ACOT7: variants seen among roughly 807,000 people sequenced by gnomAD.
ACOT7 encodes the protein cytosolic acyl coenzyme A thioester hydrolase.
ACOT7 carries 12 observed loss-of-function variants against 40.2 expected under a neutral mutation model. That is an observed-to-expected ratio of 0.30 (90% CI 0.19 to 0.48). The LOEUF is 0.48. Among genes scored for constraint, ACOT7 ranks in the 20% least tolerant of loss-of-function variants. The probability of loss-of-function intolerance (pLI) is 0.99; values close to 1 mark genes in which losing one functional copy is unlikely to be tolerated. For missense variants in ACOT7, 395 were observed against 530.8 expected (o/e 0.74, Z 2.51); for synonymous variants, 228 against 219.5 (o/e 1.04, Z -0.34).
chr1:6,339,228 G>A (rs55959027), intron 3 of ACOT7, among the ~76,000 whole-genome samples: 17,083 of 152,282 alleles, frequency 0.11, 1,287 homozygotes, highest in Middle Eastern at 0.17. Flanking sequence ...AACTGAACTC[G>A]TTTCCTAACC....
At position 6,275,461 on chromosome 1, in the gene ACOT7, G is replaced by C. The variant is rs889772797; in HGVS notation, c.1014+5641C>G. ...AGATGGCCACAGCTAGGCCAGGCGC[G>C]GTAGCTCACGCCTGTAATCCTAGCA... On this transcript the variant is annotated intron_variant, in intron 8 of 8. Coordinates refer to ENST00000361521, the MANE Select transcript of ACOT7 (RefSeq NM_007274.4). This position sits in a 1 kb window ranked among gnomAD's most constrained non-coding sequence, Gnocchi z 5.6. Among the ~76,000 whole-genome samples the C allele has an allele frequency of 6.6e-6, 1 of 152,168 alleles. No individual in the cohort carries two copies. The highest frequency in any genetic ancestry group is 6.5e-5 in the Admixed American group (1 of 15,276).
rs182584558 is a variant in ACOT7 at position 6,264,554 on chromosome 1, G to A, written c.*43C>T. 61 of 1,578,060 alleles carry A rather than the reference G, an allele frequency of 3.9e-5. 1 individual carries two copies. The African/African-American group carries it at 5.0e-4, about 13-fold the overall frequency. On this transcript the variant is annotated 3_prime_UTR_variant, in exon 9 of 9. Transcript: ENST00000361521. ...TTCTAAGTGACTGGACACTGGGCCCGTTGCCATGGCTACTCGAGGCACCAG... is the reference window on the plus strand; with the variant it reads ...TTCTAAGTGACTGGACACTGGGCCCATTGCCATGGCTACTCGAGGCACCAG...
At chr1:6,292,437 C>G (rs1208592021) in intron 7 of ACOT7, among the ~76,000 whole-genome samples, 1 of 152,246 alleles carries the variant, frequency 6.6e-6, no homozygotes, top group Non-Finnish European at 1.5e-5. Flanking sequence ...TAAGTCCCCC[C>G]GTTAGCCTTG....
intron 2 of ACOT7, among the ~76,000 whole-genome samples, chr1:6,342,393 G>T (rs1368018541): frequency 6.6e-6 from 1 of 152,154 alleles, no homozygotes; most frequent in East Asian, 1.9e-4. Context: ...TCAGACGGTG[G>T]CTGTGTCTGA....
intron 2 of ACOT7, 147 bp from the exon 3 acceptor site, chr1:6,339,736 G>C: frequency 3.5e-6 from 3 of 858,092 alleles, no homozygotes; most frequent in South Asian, 4.0e-5. Flanking sequence ...TATTGGCACC[G>C]CGGTTTTTTT....
At chr1:6,349,725 G>C (rs368642662) in intron 2 of ACOT7, 24 bp downstream of exon 2, 3 of 1,603,646 alleles carry the variant, frequency 1.9e-6, no homozygotes, top group South Asian at 2.2e-5. Context: ...CCAGGGCCCA[G>C]AGGTATGGGG....
chr1:6,313,271 T>C (rs1476569520), intron 6 of ACOT7, among the ~76,000 whole-genome samples: 2 of 152,160 alleles, frequency 1.3e-5, no homozygotes, highest in Non-Finnish European at 2.9e-5. Flanking sequence ...AGATCAAGGA[T>C]AGGCCAAGGG....
intron 5 of ACOT7, among the ~76,000 whole-genome samples, chr1:6,321,392 C>G (rs953902207): frequency 6.6e-6 from 1 of 152,204 alleles, no homozygotes; most frequent in Non-Finnish European, 1.5e-5. Context: ...TTCCAAGTGT[C>G]ACGCTCAAGC....
chr1:6,303,639 GC>G (rs1257716439), intron 6 of ACOT7, among the ~76,000 whole-genome samples: 1 of 152,126 alleles, frequency 6.6e-6, no homozygotes, highest in Non-Finnish European at 1.5e-5. Context: ...GAGCGTGGGC[GC>G]CGGCCTCCTA....
rs948140559 is a variant in ACOT7, at chr1:6,306,657, G to A, written c.713-11677C>T. On this transcript the variant is annotated intron_variant, in intron 6 of 8. Coordinates refer to ENST00000361521, the MANE Select transcript of ACOT7 (RefSeq NM_007274.4). The surrounding 1 kb of genome is among the most constrained non-coding windows in gnomAD (Gnocchi z 4.3). Reference sequence around the variant, plus strand: ...CACTCAGCTTCACGAGGAAGAAAGCGGCGTCCCAAAGCATTTGTTTGTTCA... The same window carrying A: ...CACTCAGCTTCACGAGGAAGAAAGCAGCGTCCCAAAGCATTTGTTTGTTCA... The A allele has an allele frequency of 6.1e-6, 6 of 985,192 alleles. No homozygotes were observed. Among genetic ancestry groups the A allele is most frequent in the Admixed American group, 6.2e-5 (1 of 16,248 alleles). 61.0% of individuals were successfully genotyped at this position (985,192 alleles called of 1,614,324 possible).
At chr1:6,300,333 G>A (rs1009473486) in intron 6 of ACOT7, among the ~76,000 whole-genome samples, 90 of 152,282 alleles carry the variant, frequency 5.9e-4, no homozygotes, top group African/African-American at 1.9e-3. Context: ...GGCATTGCCG[G>A]GGAAGCTGGT....
At chr1:6,310,980 C>T (rs1640314966) in intron 6 of ACOT7, among the ~76,000 whole-genome samples, 1 of 152,144 alleles carries the variant, frequency 6.6e-6, no homozygotes, top group South Asian at 2.1e-4. Flanking sequence ...TCAAGTTATC[C>T]ACCTGCCTTG....
chr1:6,319,539 T>C (rs776571569), intron 5 of ACOT7, among the ~76,000 whole-genome samples: 3 of 152,224 alleles, frequency 2.0e-5, no homozygotes, highest in Admixed American at 6.5e-5. Flanking sequence ...GTTTTCTCTG[T>C]CTGACAAAAG....
chr1:6,313,008 C>T (rs757803435), intron 6 of ACOT7, among the ~76,000 whole-genome samples: 2 of 152,152 alleles, frequency 1.3e-5, no homozygotes, highest in African/African-American at 2.4e-5. Context: ...GCCTCAGCAT[C>T]GCAAGGAGCA....
chr1:6,390,186 C>T (rs1333632646), intron 1 of ACOT7, among the ~76,000 whole-genome samples: 1 of 152,236 alleles, frequency 6.6e-6, no homozygotes, highest in African/African-American at 2.4e-5. Context: ...GGCAGTCACG[C>T]TCTGCACCTG....
rs185940457 is a variant in ACOT7, at chr1:6,281,084, C to G, written c.1014+18G>C. ...TGCCTGGCAGGGAGGGGCCGCCGTT[C>G]CAAGGATGCGCACTCACCACCAGCT... On this transcript the variant is annotated intron_variant, in intron 8 of 8. Transcript: ENST00000361521. The G allele has an allele frequency of 1.9e-4, 303 of 1,611,048 alleles. 4 individuals are homozygous for G. The East Asian group carries it at 5.9e-3, about 31-fold the overall frequency.
At chr1:6,361,082 C>T (rs777114714) in intron 1 of ACOT7, among the ~76,000 whole-genome samples, 5 of 152,162 alleles carry the variant, frequency 3.3e-5, no homozygotes, top group East Asian at 1.9e-4. Context: ...GGAAACAACC[C>T]GGTGTCCACC....
chr1:6,312,525 T>G (rs1571298148), intron 6 of ACOT7, among the ~76,000 whole-genome samples: 2 of 150,252 alleles, frequency 1.3e-5, no homozygotes, highest in Non-Finnish European at 3.0e-5. Flanking sequence ...TGGATTGGAG[T>G]GGCATGATCT....
At chr1:6,308,809 G>A (rs540447140) in intron 6 of ACOT7, among the ~76,000 whole-genome samples, 22 of 152,048 alleles carry the variant, frequency 1.4e-4, no homozygotes, top group South Asian at 4.2e-4. Context: ...GCGACTGGGC[G>A]GAGGGAAAAG....
Sources: gnomAD v4.1 joint callset for allele counts (sites outside exome capture counted in the v4.1 genomes callset) on GRCh38, gnomAD v4.1.1 for gene constraint, Gnocchi (gnomAD v3.1) non-coding constraint, MANE v1.5 for transcripts, NCBI Gene and HGNC (gene_info 2026-07-23, HGNC 2026-07-21) for gene names.